SLIT3: variants seen among roughly 807,000 people sequenced by gnomAD.
SLIT3 encodes slit homolog 3 protein.
A neutral mutation model predicts 184.0 loss-of-function variants in SLIT3; 68 were observed. That is an observed-to-expected ratio of 0.37 (90% CI 0.30 to 0.45). The LOEUF is 0.45. SLIT3 is among the 20% of genes least tolerant of loss of function. The pLI, the probability that SLIT3 is intolerant of heterozygous loss-of-function variation, is 1.00. For synonymous variants in SLIT3, 831 were observed against 828.6 expected, an observed-to-expected ratio of 1.00 and a Z score of -0.05; for missense variants, 1,707 against 2,026.0, an observed-to-expected ratio of 0.84 and a Z score of 3.02.
chr5:169,235,048 C>T (rs958878316), intron 3 of SLIT3, among the ~76,000 whole-genome samples: 1 of 152,142 alleles, frequency 6.6e-6, no homozygotes, highest in Non-Finnish European at 1.5e-5. Flanking sequence ...TGCACTTCCT[C>T]GAGGTACCTT....
intron 4 of SLIT3, among the ~76,000 whole-genome samples, chr5:169,171,718 A>G (rs1424813952): frequency 6.6e-6 from 1 of 152,208 alleles, no homozygotes; most frequent in East Asian, 1.9e-4. Flanking sequence ...TGCTTTGGAG[A>G]AGTTGCTGAA....
At chr5:168,746,937 G>A (rs979360856) in intron 20 of SLIT3, among the ~76,000 whole-genome samples, 21 of 132,528 alleles carry the variant, frequency 1.6e-4, no homozygotes, top group African/African-American at 6.0e-4. Context: ...GGTGTGTGGT[G>A]TGTGAGTGTG....
chr5:168,752,916 A>AC, intron 18 of SLIT3, 39 bp downstream of exon 18: 1 of 1,603,538 alleles, frequency 6.2e-7, no homozygotes, highest in Non-Finnish European at 8.5e-7. Flanking sequence ...GCAGAGTGGG[A>AC]TCCCAGAGTC....
chr5:169,103,268 T>C (rs1021588519), intron 4 of SLIT3, among the ~76,000 whole-genome samples: 1 of 152,240 alleles, frequency 6.6e-6, no homozygotes, highest in Non-Finnish European at 1.5e-5. Flanking sequence ...GATTTTTATT[T>C]ACCCATCACA....
At chr5:169,191,898 C>T (rs771717590) in intron 4 of SLIT3, among the ~76,000 whole-genome samples, 3 of 152,202 alleles carry the variant, frequency 2.0e-5, no homozygotes, top group Non-Finnish European at 4.4e-5. Flanking sequence ...TAAAGTCGTC[C>T]AGCATTCCAG....
intron 1 of SLIT3, among the ~76,000 whole-genome samples, chr5:169,284,105 C>G (rs1227594590): frequency 6.6e-6 from 1 of 152,184 alleles, no homozygotes; most frequent in East Asian, 1.9e-4. Flanking sequence ...AAAACAGACA[C>G]AAGGTAAGAG....
At chr5:168,983,751 A>G (rs1755030977) in intron 4 of SLIT3, among the ~76,000 whole-genome samples, 1 of 152,250 alleles carries the variant, frequency 6.6e-6, no homozygotes, top group Non-Finnish European at 1.5e-5. Flanking sequence ...AAACAGTATA[A>G]TCTATTTCCA....
intron 3 of SLIT3, among the ~76,000 whole-genome samples, chr5:169,237,901 T>C (rs1241512020): frequency 6.6e-6 from 1 of 152,206 alleles, no homozygotes; most frequent in Non-Finnish European, 1.5e-5. Context: ...CGACTTCAAT[T>C]TTGTGTAAGA....
intron 4 of SLIT3, among the ~76,000 whole-genome samples, chr5:169,103,111 C>T (rs375556934): frequency 7.9e-5 from 12 of 152,336 alleles, no homozygotes; most frequent in African/African-American, 1.2e-4. Flanking sequence ...TTAAACTCCA[C>T]AGGAATCCTA....
At chr5:169,204,284 C>T (rs963483785) in intron 3 of SLIT3, among the ~76,000 whole-genome samples, 8 of 152,052 alleles carry the variant, frequency 5.3e-5, no homozygotes, top group African/African-American at 1.9e-4. Flanking sequence ...ATGAAGAGCC[C>T]ACTGGTGACC....
chr5:169,166,473 G>A (rs17070924), intron 4 of SLIT3, among the ~76,000 whole-genome samples: 1 of 151,924 alleles, frequency 6.6e-6, no homozygotes, highest in Non-Finnish European at 1.5e-5. Flanking sequence ...CACACATCTC[G>A]GTCTGCATGC....
intron 3 of SLIT3, among the ~76,000 whole-genome samples, chr5:169,231,966 C>A (rs1180579483): frequency 6.6e-6 from 1 of 152,086 alleles, no homozygotes; most frequent in East Asian, 1.9e-4. Context: ...TCTTCTTTTG[C>A]GAAGTGTCCA....
At chr5:168,926,166 G>T (rs1761816023) in intron 4 of SLIT3, among the ~76,000 whole-genome samples, 1 of 151,152 alleles carries the variant, frequency 6.6e-6, no homozygotes, top group Non-Finnish European at 1.5e-5. Flanking sequence ...TACTCAGAAA[G>T]TGATCTACTG....
intron 4 of SLIT3, among the ~76,000 whole-genome samples, chr5:168,929,402 A>G (rs1013799855): frequency 6.6e-6 from 1 of 152,220 alleles, no homozygotes; most frequent in African/African-American, 2.4e-5. Flanking sequence ...TGACAATCCA[A>G]TGAGTAGTTG....
chr5:168,806,457 G>A lies in SLIT3; in HGVS notation c.924C>T (p.Gly308=). 2.5e-6 allele frequency: 4 copies of A among 1,614,188 alleles called. No individual in the cohort carries two copies. The highest frequency in any genetic ancestry group is 2.2e-5 in the South Asian group (2 of 91,076). Residue 308 remains glycine (G), a synonymous_variant, in exon 9 of 36, where the codon GGC becomes GGT. Coordinates refer to ENST00000519560, the MANE Select transcript of SLIT3 (RefSeq NM_003062.4). ...ACAGGTGCACTTACATTTCGACGAT[G>A]CCCTCCGGCAAGTTGGCAGGAATCT... ...LMEIPANLPE[G]IVEIRLEQNS... is the part of the protein sequence containing the mutation.
In SLIT3 at chr5:168,858,734, T is replaced by G. The variant is rs896979316; in HGVS notation, c.486-14079A>C. Among the ~76,000 whole-genome samples the G allele has an allele frequency of 2.6e-5, 4 of 152,256 alleles. No individual in the cohort carries two copies. In the South Asian group the frequency reaches 8.3e-4, roughly 31 times the overall value. ...TTCCTTAAGCTCCCTCATTCTGTTC[T>G]TTTCTTTAAAATGTTCCATTTCAAG... On this transcript the variant is annotated intron_variant, in intron 5 of 35. Transcript: ENST00000519560.
At chr5:169,150,518 C>CAT (rs1336121275) in intron 4 of SLIT3, among the ~76,000 whole-genome samples, 1 of 145,710 alleles carries the variant, frequency 6.9e-6, no homozygotes, top group Non-Finnish European at 1.5e-5. Flanking sequence ...CACTCACATA[C>CAT]ACACACACAC....
At chr5:169,249,939 G>GT (rs1243990246) in intron 2 of SLIT3, among the ~76,000 whole-genome samples, 22 of 152,340 alleles carry the variant, frequency 1.4e-4, no homozygotes, top group Admixed American at 5.9e-4. Context: ...GATTCCCCAT[G>GT]TCCCCACACA....
chr5:168,683,822 A>C, intron 32 of SLIT3, 144 bp downstream of exon 32: 21 of 656,742 alleles, frequency 3.2e-5, no homozygotes, highest in Admixed American at 3.9e-5. Flanking sequence ...GTGAGGAGGA[A>C]GTGTGTGTGT....
Sources: allele counts gnomAD v4.1 joint callset (sites outside exome capture counted in the v4.1 genomes callset), GRCh38; gene constraint gnomAD v4.1.1; transcripts MANE v1.5; gene names NCBI Gene and HGNC (gene_info 2026-07-23, HGNC 2026-07-21).